CCDC171: variants seen among roughly 807,000 people sequenced by gnomAD.
CCDC171 encodes the protein coiled-coil domain containing 171, also known as coiled-coil domain-containing protein 171.
Under a neutral mutation model 168.2 loss-of-function variants are expected in CCDC171, and 177 were observed. That is an observed-to-expected ratio of 1.05 (90% CI 0.93 to 1.19). The LOEUF is 1.19. Among genes scored for constraint, CCDC171 ranks in the 50% most tolerant of loss-of-function variants. CCDC171 has a pLI of 0.00. For synonymous variants in CCDC171, 687 were observed against 540.8 expected, an observed-to-expected ratio of 1.27 and a Z score of -3.75; for missense variants, 1,991 against 1,539.0, an observed-to-expected ratio of 1.29 and a Z score of -4.91.
At chr9:15,994,588 A>T (rs1232000504) in intron 3 of CCDC171, among the ~76,000 whole-genome samples, 3 of 152,172 alleles carry the variant, frequency 2.0e-5, no homozygotes, top group Admixed American at 6.5e-5. Context: ...GTATATATAA[A>T]AAAAAGTTTC....
At chr9:15,758,252 C>T (rs2056246063) in intron 18 of CCDC171, among the ~76,000 whole-genome samples, 1 of 152,180 alleles carries the variant, frequency 6.6e-6, no homozygotes, top group Non-Finnish European at 1.5e-5. Context: ...CCATGGGAAC[C>T]CACTTCTTGC....
At chr9:15,693,204 A>G (rs2050949832) in intron 10 of CCDC171, among the ~76,000 whole-genome samples, 1 of 19,042 alleles carries the variant, frequency 5.3e-5, no homozygotes, top group Non-Finnish European at 1.5e-4. Flanking sequence ...GTTTACAAAT[A>G]GGTACACACA....
chr9:15,594,438 A>G (rs1458947721), intron 6 of CCDC171, among the ~76,000 whole-genome samples: 1 of 152,122 alleles, frequency 6.6e-6, no homozygotes, highest in Non-Finnish European at 1.5e-5. Context: ...TATTTTTCCA[A>G]TTTAAAATTT....
chr9:15,744,814 T>C (rs751513413), intron 17 of CCDC171, 37 bp downstream of exon 17: 11 of 1,583,182 alleles, frequency 6.9e-6, no homozygotes, highest in Non-Finnish European at 9.4e-6. Context: ...ATAAGTTGCA[T>C]GTAAGCGAAA....
At chr9:16,103,577 T>G in the CCDC171 span, among the ~76,000 whole-genome samples, 1 of 152,214 alleles carries the variant, frequency 6.6e-6, no homozygotes, top group Non-Finnish European at 1.5e-5. Flanking sequence ...TTGAGAAATG[T>G]CCTTGGTAGC....
chr9:16,041,178 A>G (rs769928562), upstream of CCDC171, among the ~76,000 whole-genome samples: 7 of 152,244 alleles, frequency 4.6e-5, no homozygotes, highest in Non-Finnish European at 7.3e-5. Context: ...CCTTTGCCAC[A>G]GGGGCTCAGA....
chr9:15,975,916 G>A (rs755092758), downstream of CCDC171, among the ~76,000 whole-genome samples: 1 of 152,138 alleles, frequency 6.6e-6, no homozygotes, highest in South Asian at 2.1e-4. Context: ...TTAGCTGGGT[G>A]TGCTCTAAAT....
the CCDC171 span, among the ~76,000 whole-genome samples, chr9:16,078,138 G>A: frequency 6.6e-6 from 1 of 151,582 alleles, no homozygotes; most frequent in Non-Finnish European, 1.5e-5. Context: ...CTTGATTGCG[G>A]TCATTTCAGT....
chr9:15,690,310 C>CA (rs2050698888), intron 10 of CCDC171, among the ~76,000 whole-genome samples: 2 of 151,960 alleles, frequency 1.3e-5, no homozygotes, highest in South Asian at 4.2e-4. Context: ...AAAGTTACCA[C>CA]AATTAAGAGT....
chr9:15,962,419 G>T (rs775433108), intron 25 of CCDC171, among the ~76,000 whole-genome samples: 7 of 152,070 alleles, frequency 4.6e-5, no homozygotes, highest in Non-Finnish European at 8.8e-5. Flanking sequence ...GGAATTGTTG[G>T]ATCAAATGGC....
At chr9:15,632,004 A>G (rs1481649014) in intron 7 of CCDC171, among the ~76,000 whole-genome samples, 1 of 152,214 alleles carries the variant, frequency 6.6e-6, no homozygotes, top group Non-Finnish European at 1.5e-5. Flanking sequence ...TAAATTAGGT[A>G]TTGATGGGAC....
intron 18 of CCDC171, among the ~76,000 whole-genome samples, chr9:15,748,965 A>T (rs1038000146): frequency 6.6e-6 from 1 of 152,204 alleles, no homozygotes; most frequent in Non-Finnish European, 1.5e-5. Context: ...CACATATAAC[A>T]ATATTAACCT....
chr9:15,908,289 A>G (rs1187084134), intron 24 of CCDC171, among the ~76,000 whole-genome samples: 1 of 152,216 alleles, frequency 6.6e-6, no homozygotes, highest in Non-Finnish European at 1.5e-5. Flanking sequence ...GATTAAGAAA[A>G]TGTGGCACAT....
At chr9:15,850,349 C>A (rs1289068663) in intron 23 of CCDC171, 5 of 151,782 alleles carry the variant, frequency 3.3e-5, no homozygotes, top group Non-Finnish European at 7.4e-5. Context: ...ATGAAAATGG[C>A]AAAATATATC....
chr9:15,889,767 G>A (rs1296741442), intron 24 of CCDC171, among the ~76,000 whole-genome samples: 1 of 152,144 alleles, frequency 6.6e-6, no homozygotes, highest in African/African-American at 2.4e-5. Context: ...ATTCTAATGT[G>A]TTCTCACTGG....
intron 7 of CCDC171, among the ~76,000 whole-genome samples, chr9:15,628,453 C>T (rs1276346734): frequency 2.0e-5 from 3 of 152,180 alleles, no homozygotes; most frequent in African/African-American, 7.2e-5. Flanking sequence ...GATCAAACTG[C>T]AAGGCGGCAG....
intron 25 of CCDC171, among the ~76,000 whole-genome samples, chr9:15,959,987 C>T (rs532885032): frequency 6.6e-6 from 1 of 152,270 alleles, no homozygotes; most frequent in East Asian, 1.9e-4. Flanking sequence ...CCCCCTAATA[C>T]ATTGAAGGCA....
chr9:15,650,261 A>T (rs1262821787), intron 7 of CCDC171, among the ~76,000 whole-genome samples: 1 of 152,072 alleles, frequency 6.6e-6, no homozygotes, highest in Non-Finnish European at 1.5e-5. Context: ...GGGTGGAGGG[A>T]TGGGGGAGGG....
intron 16 of CCDC171, among the ~76,000 whole-genome samples, chr9:15,740,131 A>T (rs1411489686): frequency 6.6e-6 from 1 of 152,126 alleles, no homozygotes; most frequent in African/African-American, 2.4e-5. Context: ...AACAAGATTA[A>T]GTAATTTGCC....
Sources: gnomAD v4.1 joint callset for allele counts (sites outside exome capture counted in the v4.1 genomes callset) on GRCh38, gnomAD v4.1.1 for gene constraint, MANE v1.5 for transcripts, NCBI Gene and HGNC (gene_info 2026-07-23, HGNC 2026-07-21) for gene names.